Variants in DBF4B observed in about 807,000 individuals in gnomAD.
DBF4B encodes DBF4B-CDC7 kinase regulatory subunit.
DBF4B carries 49 observed loss-of-function variants against 53.4 expected under a neutral mutation model. The ratio of observed to expected loss-of-function variants is 0.92; its 90% CI spans 0.73 to 1.16. The LOEUF (loss-of-function observed/expected upper bound fraction) is 1.16, where lower values mean the gene tolerates loss of function less well. Among genes scored for constraint, DBF4B ranks in the 50% most tolerant of loss-of-function variants. DBF4B has a pLI of 0.00. For missense variants in DBF4B, 692 were observed against 775.0 expected, an observed-to-expected ratio of 0.89 and a Z score of 1.27; for synonymous variants, 257 against 288.7, an observed-to-expected ratio of 0.89 and a Z score of 1.11.
chr17:44,751,363 A>G lies in DBF4B; in HGVS notation c.*110A>G. 1 of 1,451,378 alleles carries G rather than the reference A, an allele frequency of 6.9e-7. No individual in the cohort carries two copies. Among genetic ancestry groups the G allele is most frequent in the Non-Finnish European group, 9.0e-7 (1 of 1,106,934 alleles). The allele number at this position is 1,451,378 out of a possible 1,614,324, so 89.9% of individuals were successfully genotyped here. ...GTGAGCACTGCTCAGACTCCTTTCC[A>G]CTCCAGCCCCCTTTCCACATCGCAC... On this transcript the variant is annotated 3_prime_UTR_variant, in exon 14 of 14. Coordinates refer to ENST00000315005, the MANE Select transcript of DBF4B (RefSeq NM_145663.3).
At chr17:44,741,982 G>A (rs1488719075) in intron 10 of DBF4B, among the ~76,000 whole-genome samples, 1 of 151,952 alleles carries the variant, frequency 6.6e-6, no homozygotes, top group Non-Finnish European at 1.5e-5. Flanking sequence ...CACAGTGGCT[G>A]ATGCCTGTAA....
chr17:44,745,197 G>A (rs1310142844), intron 10 of DBF4B, among the ~76,000 whole-genome samples: 1 of 152,072 alleles, frequency 6.6e-6, no homozygotes, highest in African/African-American at 2.4e-5. Flanking sequence ...CTCCCAAAGT[G>A]CAGGGATTAT....
Position 44,749,638 on chromosome 17 carries a change from C to G in DBF4B, c.1190-957C>G. On this transcript the variant is annotated intron_variant, in intron 13 of 13. Coordinates refer to ENST00000315005, the MANE Select transcript of DBF4B (RefSeq NM_145663.3). The surrounding 1 kb of genome is among the most constrained non-coding windows in gnomAD (Gnocchi z 4.4). ...CATGTTCCTGACCAGGCAGAGTCTACAGTGGGCTTGCCCAGCTGAGGCTGG... is the reference window on the plus strand; with the variant it reads ...CATGTTCCTGACCAGGCAGAGTCTAGAGTGGGCTTGCCCAGCTGAGGCTGG... The G allele has an allele frequency of 1.7e-6, 2 of 1,180,208 alleles. No individual in the cohort carries two copies. The highest frequency in any genetic ancestry group is 2.1e-6 in the Non-Finnish European group (2 of 936,310). 73.1% of individuals were successfully genotyped at this position (1,180,208 alleles called of 1,614,324 possible). A position where few individuals can be genotyped will look rare whatever the true frequency, so the allele number is the denominator to read the frequency against.
chr17:44,731,072 A>T, intron 5 of DBF4B, 57 bp downstream of exon 5: 1 of 1,598,934 alleles, frequency 6.3e-7, no homozygotes. Flanking sequence ...GAGGGATTTC[A>T]CTCTTCTTCC....
intron 10 of DBF4B, among the ~76,000 whole-genome samples, chr17:44,746,050 A>G (rs1976553858): frequency 2.0e-5 from 1 of 49,012 alleles, no homozygotes. Flanking sequence ...TCTACTAAAA[A>G]TACAAAAAAA....
intron 7 of DBF4B, among the ~76,000 whole-genome samples, chr17:44,735,831 C>T (rs1975363493): frequency 6.6e-6 from 1 of 152,214 alleles, no homozygotes; most frequent in African/African-American, 2.4e-5. Flanking sequence ...CCCAGAGGCA[C>T]AGGTGGTCAT....
At position 44,751,294 on chromosome 17, in the gene DBF4B, G is replaced by C. The variant is rs2049273935; in HGVS notation, c.*41G>C. The C allele has an allele frequency of 6.3e-7, 1 of 1,584,766 alleles. No individual in the cohort carries two copies. Among genetic ancestry groups the C allele is most frequent in the East Asian group, 2.2e-5 (1 of 44,652 alleles). On this transcript the variant is annotated 3_prime_UTR_variant, in exon 14 of 14. Coordinates refer to ENST00000315005, the MANE Select transcript of DBF4B (RefSeq NM_145663.3). ...ACCTGAGACTTGACCCAGGATGGATGGGTGCTGCTTGATGTGAATGAGGTC... is the reference window on the plus strand; with the variant it reads ...ACCTGAGACTTGACCCAGGATGGATCGGTGCTGCTTGATGTGAATGAGGTC...
intron 10 of DBF4B, among the ~76,000 whole-genome samples, chr17:44,746,724 C>G (rs1190424027): frequency 6.6e-6 from 1 of 150,962 alleles, no homozygotes; most frequent in African/African-American, 2.4e-5. Context: ...GAGGCTAAGG[C>G]AGGAGAATGG....
chr17:44,722,122 G>A (rs971326245), intron 2 of DBF4B, among the ~76,000 whole-genome samples: 3 of 147,236 alleles, frequency 2.0e-5, no homozygotes, highest in Non-Finnish European at 4.5e-5. Flanking sequence ...CAACAAGAGC[G>A]AAACTCCGTT....
Position 44,729,943 on chromosome 17 carries a change from C to A in DBF4B, c.264C>A (p.Ile88=), listed in dbSNP as rs769717083. The A allele has an allele frequency of 6.2e-7, 1 of 1,614,052 alleles. No individual in the cohort carries two copies. Among genetic ancestry groups the A allele is most frequent in the Admixed American group, 1.7e-5 (1 of 59,994 alleles). Residue 88 remains isoleucine (I), a synonymous_variant, in exon 4 of 14, where the codon ATC becomes ATA. Transcript: ENST00000315005. ...TTCTGAGCAAAGAAGTAAGTTACAT[C>A]GTGTCCAGCCGCAGAGAAGTAAAGG... ...EGFLSKEVSY[I]VSSRREVKAE... is the part of the protein sequence containing the mutation.
chr17:44,708,909 C>A, intron 1 of DBF4B, 70 bp downstream of exon 1: 1 of 1,537,902 alleles, frequency 6.5e-7, no homozygotes, highest in South Asian at 1.2e-5. Flanking sequence ...GGTGCGGAGT[C>A]GTGGAGGGGG....
intron 3 of DBF4B, among the ~76,000 whole-genome samples, chr17:44,724,473 G>T (rs1598790603): frequency 6.6e-6 from 1 of 152,178 alleles, no homozygotes; most frequent in East Asian, 1.9e-4. Flanking sequence ...TGCCTCACGG[G>T]TTCATGCCAT....
rs1056072869 is a variant in DBF4B, at chr17:44,710,732, A to AT, written c.82+1375dup. Among the ~76,000 whole-genome samples, 115 of 150,708 alleles carry AT rather than the reference A, an allele frequency of 7.6e-4. 1 individual carries two copies. Among genetic ancestry groups the AT allele is most frequent in the South Asian group, 1.1e-3 (5 of 4,738 alleles). ...AGGCACTCAACACCACGCCCAGCTAATTTTTTTTTGTTGTTTGTTTTGTAG... is the reference window on the plus strand; with the variant it reads ...AGGCACTCAACACCACGCCCAGCTAATTTTTTTTTTGTTGTTTGTTTTGTAG... On this transcript the variant is annotated intron_variant, in intron 2 of 13. Coordinates refer to ENST00000315005, the MANE Select transcript of DBF4B (RefSeq NM_145663.3).
intron 10 of DBF4B, among the ~76,000 whole-genome samples, chr17:44,745,629 C>G (rs1976519131): frequency 6.6e-6 from 1 of 152,234 alleles, no homozygotes; most frequent in South Asian, 2.1e-4. Flanking sequence ...TTATCTCCAC[C>G]TGGTCTCTCC....
At chr17:44,708,971 C>T (rs1972620432) in intron 1 of DBF4B, 132 bp downstream of exon 1, 1 of 1,288,302 alleles carries the variant, frequency 7.8e-7, no homozygotes, top group Non-Finnish European at 1.1e-6. Context: ...GTATAGGGGC[C>T]GGGAAGGAGC....
intron 12 of DBF4B, 69 bp from the exon 13 acceptor site, chr17:44,748,272 G>C: frequency 6.6e-7 from 1 of 1,519,260 alleles, no homozygotes; most frequent in Non-Finnish European, 8.8e-7. Context: ...CTCTCCCTGT[G>C]CCCTCAGCCC....
intron 3 of DBF4B, 134 bp downstream of exon 3, chr17:44,723,156 G>A: frequency 8.1e-7 from 1 of 1,237,708 alleles, no homozygotes; most frequent in East Asian, 2.6e-5. Context: ...ACCCAGGCTG[G>A]AGTGCAGTGG....
At chr17:44,738,802 C>T (rs1055748901) in intron 9 of DBF4B, among the ~76,000 whole-genome samples, 3 of 152,194 alleles carry the variant, frequency 2.0e-5, no homozygotes, top group African/African-American at 7.2e-5. Flanking sequence ...AGTCACAGTG[C>T]TAGTATAGTC....
At chr17:44,723,124 T>A in intron 3 of DBF4B, 102 bp downstream of exon 3, 1 of 1,464,088 alleles carries the variant, frequency 6.8e-7, no homozygotes, top group Non-Finnish European at 9.1e-7. Flanking sequence ...TTTTCTTTTT[T>A]GAGACAGAGT....
Sources: gnomAD v4.1 joint callset for allele counts (sites outside exome capture counted in the v4.1 genomes callset) on GRCh38, gnomAD v4.1.1 for gene constraint, Gnocchi (gnomAD v3.1) non-coding constraint, MANE v1.5 for transcripts, NCBI Gene and HGNC (gene_info 2026-07-23, HGNC 2026-07-21) for gene names.